PCDHA12: variants seen among roughly 807,000 people sequenced by gnomAD.
PCDHA12 encodes protocadherin alpha 12.
PCDHA12 carries 44 observed loss-of-function variants against 60.0 expected under a neutral mutation model. That is an observed-to-expected ratio of 0.73 (90% CI 0.58 to 0.94). The LOEUF (loss-of-function observed/expected upper bound fraction) is 0.94, where lower values mean the gene tolerates loss of function less well. Among genes scored for constraint, PCDHA12 ranks in the 40% least tolerant of loss-of-function variants. The pLI is 0.00. For synonymous variants in PCDHA12, 569 were observed against 553.0 expected (o/e 1.03, Z -0.40); for missense variants, 1,276 against 1,239.7 (o/e 1.03, Z -0.44).
rs1487503403 is a variant in PCDHA12 at position 140,941,191 on chromosome 5, T to TTTCTTTC, written c.2368-37756_2368-37755insCTTTCTT. Among the ~76,000 whole-genome samples, 158 of 93,240 alleles carry TTTCTTTC rather than the reference T, an allele frequency of 1.7e-3. 2 individuals carry two copies. Among genetic ancestry groups the TTTCTTTC allele is most frequent in the South Asian group, 0.011 (38 of 3,542 alleles). 61.2% of individuals were successfully genotyped at this position (93,240 alleles called of 152,430 possible). A position where few individuals can be genotyped will look rare whatever the true frequency, so the allele number is the denominator to read the frequency against. ...CATCTTGAACATCCTGCTTCTTTTT[T>TTTCTTTC]TTTCTTTCTTCCTTTCTTTCTTCCT... On this transcript the variant is annotated intron_variant, in intron 1 of 3. Transcript: ENST00000398631.
intron 3 of PCDHA12, among the ~76,000 whole-genome samples, chr5:141,007,512 G>C (rs2098333445): frequency 6.6e-6 from 1 of 152,040 alleles, no homozygotes; most frequent in Admixed American, 6.6e-5. Context: ...AGACTGCAGT[G>C]AGCTGATATC....
At chr5:140,923,423 G>T (rs533295733) in intron 1 of PCDHA12, among the ~76,000 whole-genome samples, 1 of 152,260 alleles carries the variant, frequency 6.6e-6, no homozygotes, top group East Asian at 1.9e-4. Context: ...GGCTACTTGG[G>T]AGGCTGGGGT....
intron 1 of PCDHA12, among the ~76,000 whole-genome samples, chr5:140,951,812 A>G (rs2094639418): frequency 1.3e-5 from 2 of 152,152 alleles, no homozygotes; most frequent in Admixed American, 1.3e-4. Context: ...ATGGTCCCTC[A>G]AAGTCTGAAC....
At chr5:141,002,468 C>G (rs369108082) in intron 3 of PCDHA12, among the ~76,000 whole-genome samples, 2 of 152,334 alleles carry the variant, frequency 1.3e-5, no homozygotes, top group Middle Eastern at 3.4e-3. Flanking sequence ...AACGCTTTAG[C>G]ATTTTCAAAG....
At chr5:140,981,457 C>T (rs910127197) in intron 2 of PCDHA12, among the ~76,000 whole-genome samples, 6 of 152,064 alleles carry the variant, frequency 3.9e-5, no homozygotes, top group African/African-American at 7.2e-5. Context: ...GCCTGTAGTC[C>T]CAGCTACTTG....
At chr5:140,883,402 C>G (rs2153393597) in intron 1 of PCDHA12, 1 of 1,614,192 alleles carries the variant, frequency 6.2e-7, no homozygotes, top group Middle Eastern at 1.6e-4. Context: ...CCGATCGTGA[C>G]TCTGGCTCAA....
At chr5:140,953,948 C>T (rs1012464637) in intron 1 of PCDHA12, among the ~76,000 whole-genome samples, 1 of 152,092 alleles carries the variant, frequency 6.6e-6, no homozygotes, top group Non-Finnish European at 1.5e-5. Flanking sequence ...CATTGCTCCC[C>T]CAACAGGCCC....
chr5:140,891,055 G>A (rs2062932146), intron 1 of PCDHA12, among the ~76,000 whole-genome samples: 1 of 152,142 alleles, frequency 6.6e-6, no homozygotes, highest in Admixed American at 6.5e-5. Context: ...ACAGCACATA[G>A]TAAATATTAT....
intron 3 of PCDHA12, among the ~76,000 whole-genome samples, chr5:141,003,288 T>C (rs2098118136): frequency 2.0e-5 from 3 of 152,182 alleles, no homozygotes; most frequent in African/African-American, 7.2e-5. Context: ...AATTGGATTA[T>C]AGGATTACAT....
At chr5:140,919,716 A>G (rs1166757941) in intron 1 of PCDHA12, among the ~76,000 whole-genome samples, 1 of 152,214 alleles carries the variant, frequency 6.6e-6, no homozygotes, top group East Asian at 1.9e-4. Flanking sequence ...CTAGTGAGAT[A>G]TAAATATGTT....
chr5:140,893,107 G>A (rs1324641421), intron 1 of PCDHA12, among the ~76,000 whole-genome samples: 4 of 152,226 alleles, frequency 2.6e-5, no homozygotes, highest in East Asian at 1.9e-4. Flanking sequence ...ATAATATTCC[G>A]TTGTGCATAT....
chr5:140,995,954 A>G (rs2097705768), intron 3 of PCDHA12, among the ~76,000 whole-genome samples: 1 of 152,226 alleles, frequency 6.6e-6, no homozygotes, highest in South Asian at 2.1e-4. Context: ...TGCACGCAAA[A>G]TGCTTAGAAC....
intron 1 of PCDHA12, among the ~76,000 whole-genome samples, chr5:140,893,346 C>A (rs1368723678): frequency 6.6e-6 from 1 of 152,104 alleles, no homozygotes; most frequent in Non-Finnish European, 1.5e-5. Context: ...AGTGGCAGTG[C>A]TAATTTACAT....
At chr5:140,992,708 C>T (rs2097525816) in intron 3 of PCDHA12, among the ~76,000 whole-genome samples, 1 of 152,100 alleles carries the variant, frequency 6.6e-6, no homozygotes, top group African/African-American at 2.4e-5. Context: ...ATGTTCCTGC[C>T]AGTATTCGTA....
At chr5:140,984,453 T>C (rs2097104309) in intron 3 of PCDHA12, among the ~76,000 whole-genome samples, 1 of 152,254 alleles carries the variant, frequency 6.6e-6, no homozygotes, top group South Asian at 2.1e-4. Flanking sequence ...CCTTTCTTAC[T>C]GTCCCAGCCC....
At chr5:140,893,892 C>A (rs1554185839) in intron 1 of PCDHA12, among the ~76,000 whole-genome samples, 1 of 152,184 alleles carries the variant, frequency 6.6e-6, no homozygotes, top group Non-Finnish European at 1.5e-5. Flanking sequence ...CAGAAAGTTA[C>A]TTTACCTTCT....
intron 1 of PCDHA12, among the ~76,000 whole-genome samples, chr5:140,916,649 G>A (rs1331435832): frequency 6.6e-6 from 1 of 152,166 alleles, no homozygotes; most frequent in Non-Finnish European, 1.5e-5. Flanking sequence ...TGGCTGAGCT[G>A]GTATCCAAGA....
chr5:140,963,312 TG>T (rs2153735087), intron 1 of PCDHA12, among the ~76,000 whole-genome samples: 1 of 152,332 alleles, frequency 6.6e-6, no homozygotes, highest in African/African-American at 2.4e-5. Flanking sequence ...AGAAGCTGTT[TG>T]TATTAGAATT....
chr5:140,926,985 G>A, intron 1 of PCDHA12: 1 of 1,611,068 alleles, frequency 6.2e-7, no homozygotes, highest in Non-Finnish European at 8.5e-7. Flanking sequence ...AGGAGACGGA[G>A]CGGGGCGTAG....
Sources: gnomAD v4.1 joint callset for allele counts (sites outside exome capture counted in the v4.1 genomes callset) on GRCh38, gnomAD v4.1.1 for gene constraint, MANE v1.5 for transcripts, NCBI Gene and HGNC (gene_info 2026-07-23, HGNC 2026-07-21) for gene names.